The following RUBCN variants were observed in gnomAD, a reference collection of about 807,000 sequenced individuals.
The protein encoded by RUBCN is rubicon autophagy regulator.
Under a neutral mutation model 113.2 loss-of-function variants are expected in RUBCN, and 74 were observed. The ratio of observed to expected loss-of-function variants is 0.65; its 90% CI spans 0.54 to 0.79. The LOEUF is 0.79. Ranked by LOEUF, RUBCN falls within the 30% of genes least tolerant of loss-of-function variation. The pLI, the probability that RUBCN is intolerant of heterozygous loss-of-function variation, is 0.00. For synonymous variants in RUBCN, 480 were observed against 490.0 expected (o/e 0.98, Z 0.27); for missense variants, 1,109 against 1,251.7 (o/e 0.89, Z 1.72).
In RUBCN at chr3:197,683,447, G is replaced by A. The variant is rs200488150; in HGVS notation, c.1848-8C>T. On this transcript the variant is annotated splice_region_variant and splice_polypyrimidine_tract_variant and intron_variant, in intron 12 of 19. Coordinates refer to ENST00000296343, the MANE Select transcript of RUBCN (RefSeq NM_014687.4). This position sits in a 1 kb window ranked among gnomAD's most constrained non-coding sequence, Gnocchi z 4.6. ...TGCAGGAAGCAGTGGGAGCTGGAAA[G>A]GGGAGAATCAAGGACGGCTGAACAC... 1.9e-6 allele frequency: 3 copies of A among 1,613,936 alleles called. No individual in the cohort carries two copies. The Admixed American group carries it at 5.0e-5, about 27-fold the overall frequency.
Position 197,695,506 on chromosome 3 carries a change from C to T in RUBCN, c.1473+360G>A, listed in dbSNP as rs140758813. ...GTCCCAGCTACTCGGGAGGCTGAGG[C>T]GGGAGGATTGCTCGAGCCCAGGAAT... On this transcript the variant is annotated intron_variant, in intron 9 of 19. Coordinates refer to ENST00000296343, the MANE Select transcript of RUBCN (RefSeq NM_014687.4). Among the ~76,000 whole-genome samples, 454 of 152,216 alleles carry T rather than the reference C, an allele frequency of 3.0e-3. 1 individual carries two copies. Among genetic ancestry groups the T allele is most frequent in the Non-Finnish European group, 5.0e-3 (340 of 68,014 alleles).
At chr3:197,722,117 C>T (rs2108971721) in intron 1 of RUBCN, among the ~76,000 whole-genome samples, 1 of 152,010 alleles carries the variant, frequency 6.6e-6, no homozygotes, top group South Asian at 2.1e-4. Context: ...GTGGTGCGTG[C>T]ATGTAATCCC....
intron 13 of RUBCN, 64 bp from the exon 14 acceptor site, chr3:197,682,679 T>A (rs1378336522): frequency 2.7e-5 from 43 of 1,605,454 alleles, no homozygotes; most frequent in Non-Finnish European, 3.2e-5. Flanking sequence ...TCTGGTGAGA[T>A]GGGCAGTGAG....
In RUBCN at chr3:197,681,658, C is replaced by T. The variant is rs986795094; in HGVS notation, c.2191+177G>A. Reference sequence around the variant, plus strand: ...AGGATACAATCCTGGCCATGTGCTCCCAGAAATCATTTCCCTCCGATTGCC... The same window carrying T: ...AGGATACAATCCTGGCCATGTGCTCTCAGAAATCATTTCCCTCCGATTGCC... On this transcript the variant is annotated intron_variant, in intron 15 of 19. Transcript: ENST00000296343. This position sits in a 1 kb window ranked among gnomAD's most constrained non-coding sequence, Gnocchi z 5.5. 6.6e-6 allele frequency among the ~76,000 whole-genome samples: 1 copy of T among 152,190 alleles called. No homozygotes were observed. Among genetic ancestry groups the T allele is most frequent in the Non-Finnish European group, 1.5e-5 (1 of 68,024 alleles).
intron 1 of RUBCN, among the ~76,000 whole-genome samples, chr3:197,745,936 T>C (rs572100810): frequency 1.3e-5 from 2 of 149,818 alleles, no homozygotes; most frequent in Non-Finnish European, 3.0e-5. Context: ...ATAGGGGAGG[T>C]TGAGGAAAAG....
upstream of RUBCN, among the ~76,000 whole-genome samples, chr3:197,739,753 AG>A (rs956876217): frequency 6.6e-5 from 10 of 152,150 alleles, no homozygotes; most frequent in Non-Finnish European, 1.5e-4. Flanking sequence ...AGGAAATCCT[AG>A]GGGCCAGAAG....
intron 8 of RUBCN, among the ~76,000 whole-genome samples, chr3:197,696,733 CG>C (rs1273652941): frequency 6.6e-6 from 1 of 151,796 alleles, no homozygotes; most frequent in Non-Finnish European, 1.5e-5. Flanking sequence ...ACACCCAGCA[CG>C]TAAGAGAGGG....
In RUBCN at chr3:197,672,327, T is replaced by G. The variant is rs562636347; in HGVS notation, c.*2691A>C. 1 of 152,330 alleles carries G rather than the reference T, an allele frequency of 6.6e-6. No homozygotes were observed. The highest frequency in any genetic ancestry group is 2.1e-4 in the South Asian group (1 of 4,832). The allele number at this position is 152,330 out of a possible 1,614,324, so 9.4% of individuals were successfully genotyped here. ...TGCCTTCATTTAGAAGGAATTCTCT[T>G]CAGTGCATTCAAAGCTTCTCCCCGC... On this transcript the variant is annotated 3_prime_UTR_variant, in exon 20 of 20. Transcript: ENST00000296343.
rs556485293 is a variant in RUBCN, at chr3:197,736,320, G to C, written c.65+335C>G. The stretch of plus-strand genomic sequence containing the variant: ...GCCCTGCCCCTGTCTATAGACTCTG[G>C]CCTGTAAAACCTCACTGCACCCCTC... On this transcript the variant is annotated intron_variant, in intron 1 of 19. Transcript: ENST00000296343. 1.7e-4 allele frequency among the ~76,000 whole-genome samples: 26 copies of C among 152,120 alleles called. No individual in the cohort carries two copies. The East Asian group carries it at 4.8e-3, about 28-fold the overall frequency.
chr3:197,712,658 A>G (rs1379060297), intron 2 of RUBCN, among the ~76,000 whole-genome samples: 1 of 152,216 alleles, frequency 6.6e-6, no homozygotes. Context: ...GTGTGTGTCC[A>G]TATGACAAAT....
chr3:197,728,992 G>T (rs1320841905), intron 1 of RUBCN, among the ~76,000 whole-genome samples: 1 of 151,948 alleles, frequency 6.6e-6, no homozygotes, highest in Non-Finnish European at 1.5e-5. Flanking sequence ...GGCCGGGCGC[G>T]GTGGCTCACG....
chr3:197,729,239 GTTTT>G (rs1296488050), intron 1 of RUBCN, among the ~76,000 whole-genome samples: 4 of 147,710 alleles, frequency 2.7e-5, no homozygotes, highest in East Asian at 4.0e-4. Context: ...CATTGCTTTT[GTTTT>G]TTTTGTTTTG....
chr3:197,700,365 G>A (rs1011307159), intron 7 of RUBCN: 1 of 583,004 alleles, frequency 1.7e-6, no homozygotes, highest in Admixed American at 3.2e-5. Flanking sequence ...ATCCTCTGAT[G>A]TTACCAAACT....
At chr3:197,677,142 C>T in intron 17 of RUBCN, 104 bp from the exon 18 acceptor site, 2 of 1,259,160 alleles carry the variant, frequency 1.6e-6, no homozygotes, top group Non-Finnish European at 2.3e-6. Context: ...TGAGGGTGGG[C>T]ACCCATCAGC....
upstream of RUBCN, chr3:197,737,113 A>T (rs898991062): frequency 1.8e-5 from 5 of 275,440 alleles, no homozygotes; most frequent in Non-Finnish European, 3.2e-5. Flanking sequence ...ATTACTACGC[A>T]CCCGGTGGTT....
chr3:197,689,635 G>C (rs1318567688), intron 11 of RUBCN, among the ~76,000 whole-genome samples: 1 of 151,488 alleles, frequency 6.6e-6, no homozygotes, highest in Non-Finnish European at 1.5e-5. Flanking sequence ...TTCAGGAGTA[G>C]GAAAAAAAGG....
intron 6 of RUBCN, 96 bp downstream of exon 6, chr3:197,701,611 CA>C (rs1386859061): frequency 8.9e-7 from 1 of 1,127,010 alleles, no homozygotes; most frequent in Non-Finnish European, 1.3e-6. Context: ...ACTACCAACC[CA>C]AGTCTCAATT....
intron 2 of RUBCN, among the ~76,000 whole-genome samples, chr3:197,706,560 T>G (rs937146792): frequency 1.3e-5 from 2 of 151,940 alleles, no homozygotes; most frequent in Non-Finnish European, 2.9e-5. Context: ...GGCACATGCC[T>G]GTAGTCCCAG....
chr3:197,703,628 G>A lies in RUBCN; in HGVS notation c.490C>T (p.His164Tyr). ...TDAAFLLSDA[H>Y]VTAMLQCLEA... The stretch of plus-strand genomic sequence containing the variant: ...AGGCACTGCAGCATGGCCGTGACAT[G>A]AGCGTCACTTAGCAGGAAGGCAGCA... The change falls in exon 5 of 20, where the codon CAT becomes TAT. Residue 164 changes from histidine (H) to tyrosine (Y), a missense_variant. His to Tyr is a moderately conservative substitution (Grantham distance 83). This residue lies in a region of RUBCN where 736 missense variants were observed against 779.6 expected (regional missense o/e 0.94). Coordinates refer to ENST00000296343, the MANE Select transcript of RUBCN (RefSeq NM_014687.4). The A allele has an allele frequency of 2.5e-6, 4 of 1,613,748 alleles. No homozygotes were observed. Among genetic ancestry groups the A allele is most frequent in the Non-Finnish European group, 3.4e-6 (4 of 1,179,800 alleles).
Sources: gnomAD v4.1 joint callset for allele counts (sites outside exome capture counted in the v4.1 genomes callset) on GRCh38, gnomAD v4.1.1 for gene constraint, gnomAD v4.1.1 regional missense constraint, Gnocchi (gnomAD v3.1) non-coding constraint, MANE v1.5 for transcripts, NCBI Gene and HGNC (gene_info 2026-07-23, HGNC 2026-07-21) for gene names.